CHD9: variants seen among roughly 807,000 people sequenced by gnomAD.
The protein encoded by CHD9 is ATP-dependent chromatin remodeler CHD9.
In CHD9, 77 loss-of-function variants were observed where a neutral mutation model predicts 316.1. That is an observed-to-expected ratio of 0.24 (90% CI 0.20 to 0.29). The LOEUF (loss-of-function observed/expected upper bound fraction) is 0.29, where lower values mean the gene tolerates loss of function less well. Ranked by LOEUF, CHD9 falls within the 10% of genes least tolerant of loss-of-function variation. The probability of loss-of-function intolerance (pLI) is 1.00; values close to 1 mark genes in which losing one functional copy is unlikely to be tolerated. For missense variants in CHD9, 2,763 were observed against 3,438.1 expected, an observed-to-expected ratio of 0.80 and a Z score of 4.91; for synonymous variants, 1,129 against 1,158.3, an observed-to-expected ratio of 0.97 and a Z score of 0.51.
At chr16:53,147,888 C>T (rs574191203) in intron 1 of CHD9, among the ~76,000 whole-genome samples, 5 of 151,964 alleles carry the variant, frequency 3.3e-5, no homozygotes, top group Admixed American at 6.6e-5. Context: ...TAAGGTAATT[C>T]TCTGTTTAAC....
chr16:53,168,648 A>G (rs1224508293), intron 2 of CHD9: 1 of 152,208 alleles, frequency 6.6e-6, no homozygotes, highest in Non-Finnish European at 1.5e-5. Flanking sequence ...GGTTGGTGCA[A>G]AACTTTCAGT....
rs539328036 is a variant in CHD9, at chr16:53,146,212, C to T, written c.-164-9714C>T. ...ACCAACCTGACCAAAATGGTGAAAC[C>T]CCGTCTCTACTAAAAAAAAAAAAAA... On this transcript the variant is annotated intron_variant, in intron 1 of 38. Transcript: ENST00000447540. Among the ~76,000 whole-genome samples, 3 of 140,682 alleles carry T rather than the reference C, an allele frequency of 2.1e-5. No homozygotes were observed. In the South Asian group the frequency reaches 6.9e-4, roughly 32 times the overall value. 92.3% of individuals were successfully genotyped at this position (140,682 alleles called of 152,430 possible).
At chr16:53,209,445 T>C (rs1239472338) in intron 2 of CHD9, 37 bp from the exon 3 acceptor site, 1 of 1,328,712 alleles carries the variant, frequency 7.5e-7, no homozygotes, top group Non-Finnish European at 1.0e-6. Context: ...TAGATGTACT[T>C]TGGTATATTC....
At chr16:53,255,256 C>T (rs2050493495) in intron 18 of CHD9, among the ~76,000 whole-genome samples, 1 of 152,110 alleles carries the variant, frequency 6.6e-6, no homozygotes, top group Non-Finnish European at 1.5e-5. Context: ...CTGCAGTGAG[C>T]TGTGTTTACA....
In CHD9 at chr16:53,245,864, A is replaced by G. The variant is rs1440622761; in HGVS notation, c.3454+14A>G. The stretch of plus-strand genomic sequence containing the variant: ...ATCTTATAAAAGGTAGCTAAAAAAG[A>G]TTACAACAAATATGTTTTTTCTTGC... On this transcript the variant is annotated intron_variant, in intron 15 of 38. Coordinates refer to ENST00000447540, the MANE Select transcript of CHD9 (RefSeq NM_001308319.2). The surrounding 1 kb of genome is among the most constrained non-coding windows in gnomAD (Gnocchi z 4.1). The G allele has an allele frequency of 2.4e-5, 35 of 1,462,876 alleles. No individual in the cohort carries two copies. The highest frequency in any genetic ancestry group is 3.2e-5 in the Non-Finnish European group (35 of 1,105,008). 90.6% of individuals were successfully genotyped at this position (1,462,876 alleles called of 1,614,324 possible). A position where few individuals can be genotyped will look rare whatever the true frequency, so the allele number is the denominator to read the frequency against.
At chr16:53,056,116 C>A (rs182116237) in intron 1 of CHD9, among the ~76,000 whole-genome samples, 25 of 152,318 alleles carry the variant, frequency 1.6e-4, no homozygotes, top group African/African-American at 6.0e-4. Context: ...GTCTCAAACT[C>A]CTAGGCTCAA....
chr16:53,187,117 T>A (rs2152818724), intron 2 of CHD9, among the ~76,000 whole-genome samples: 1 of 152,168 alleles, frequency 6.6e-6, no homozygotes, highest in East Asian at 1.9e-4. Context: ...GTGGAAAAAT[T>A]AAAACTAGAA....
At chr16:53,102,721 A>C (rs927965995) in intron 1 of CHD9, among the ~76,000 whole-genome samples, 1 of 152,124 alleles carries the variant, frequency 6.6e-6, no homozygotes, top group African/African-American at 2.4e-5. Flanking sequence ...ATGGTGGTGC[A>C]TGCCTGTAGT....
chr16:53,314,226 G>T, intron 34 of CHD9, 151 bp from the exon 35 acceptor site: 1 of 488,002 alleles, frequency 2.0e-6, no homozygotes. Flanking sequence ...TTTTAAATGA[G>T]AGGTGGGGAT....
chr16:53,114,226 T>C (rs1303453974), intron 1 of CHD9, among the ~76,000 whole-genome samples: 1 of 152,160 alleles, frequency 6.6e-6, no homozygotes, highest in East Asian at 1.9e-4. Context: ...AATCTGACCA[T>C]CTCACTCTTC....
rs2050525725 is a variant in CHD9 at position 53,255,630 on chromosome 16, G to A, written c.4060G>A (p.Asp1354Asn). The A allele has an allele frequency of 6.2e-7, 1 of 1,613,294 alleles. No homozygotes were observed. The highest frequency in any genetic ancestry group is 1.3e-5 in the African/African-American group (1 of 75,012). The change falls in exon 19 of 39, where the codon GAT (aspartate) becomes AAT (asparagine). Residue 1354 changes from aspartate (D) to asparagine (N), a missense_variant. Asp to Asn is a conservative substitution (Grantham distance 23). Transcript: ENST00000447540. The stretch of plus-strand genomic sequence containing the variant: ...GCAGCTTTCCAAAAAGGAAATAGAA[G>A]ATCTGCTTCGAAGAGGTGCTTATGG... Reference protein sequence around the residue: ...IQQLSKKEIEDLLRRGAYGAI... With the variant: ...IQQLSKKEIENLLRRGAYGAI...
intron 37 of CHD9, among the ~76,000 whole-genome samples, chr16:53,319,494 A>C (rs2057121385): frequency 6.6e-6 from 1 of 152,192 alleles, no homozygotes; most frequent in Non-Finnish European, 1.5e-5. Context: ...AGCTTTTGTT[A>C]GTATTTTAAA....
intron 2 of CHD9, among the ~76,000 whole-genome samples, chr16:53,182,126 C>T (rs1472677707): frequency 6.6e-6 from 1 of 152,156 alleles, no homozygotes; most frequent in Non-Finnish European, 1.5e-5. Context: ...ACACTCATGG[C>T]AGTTTTCTGG....
chr16:53,305,772 T>C (rs2055908213), intron 31 of CHD9, among the ~76,000 whole-genome samples: 1 of 152,152 alleles, frequency 6.6e-6, no homozygotes, highest in Non-Finnish European at 1.5e-5. Context: ...GGGTCTCTTG[T>C]AACAACTCCA....
At chr16:53,106,691 C>T (rs540895173) in intron 1 of CHD9, among the ~76,000 whole-genome samples, 24 of 151,804 alleles carry the variant, frequency 1.6e-4, no homozygotes, top group Non-Finnish European at 3.1e-4. Flanking sequence ...GCGCGATGTG[C>T]ATATGGTGTG....
rs1304425134 is a variant in CHD9 at position 53,091,410 on chromosome 16, T to A, written c.-165+36333T>A. 2.0e-5 allele frequency among the ~76,000 whole-genome samples: 3 copies of A among 152,330 alleles called. No homozygotes were observed. The East Asian group carries it at 5.8e-4, about 29-fold the overall frequency. On this transcript the variant is annotated intron_variant, in intron 1 of 38. Coordinates refer to ENST00000447540, the MANE Select transcript of CHD9 (RefSeq NM_001308319.2). ...TGTGAGGATTCAGGGAGATACTAACTGTGATGTCCTCACCCCTACATCTGG... is the reference window on the plus strand; with the variant it reads ...TGTGAGGATTCAGGGAGATACTAACAGTGATGTCCTCACCCCTACATCTGG...
At chr16:53,284,992 C>T (rs888498785) in intron 24 of CHD9, among the ~76,000 whole-genome samples, 7 of 152,080 alleles carry the variant, frequency 4.6e-5, no homozygotes, top group Non-Finnish European at 5.9e-5. Flanking sequence ...GTCTTGTACT[C>T]CTGGGTTCAA....
chr16:53,074,462 G>A (rs2152521811), intron 1 of CHD9, among the ~76,000 whole-genome samples: 1 of 152,336 alleles, frequency 6.6e-6, no homozygotes, highest in African/African-American at 2.4e-5. Context: ...AATGTCTCCA[G>A]GAAATGGCAG....
chr16:53,118,941 C>T (rs948754182), intron 1 of CHD9, among the ~76,000 whole-genome samples: 3 of 151,972 alleles, frequency 2.0e-5, no homozygotes, highest in Non-Finnish European at 4.4e-5. Flanking sequence ...TACAGGCACC[C>T]GCCACCATGC....
Sources: allele counts gnomAD v4.1 joint callset (sites outside exome capture counted in the v4.1 genomes callset), GRCh38; gene constraint gnomAD v4.1.1; non-coding constraint Gnocchi (gnomAD v3.1); transcripts MANE v1.5; gene names NCBI Gene and HGNC (gene_info 2026-07-23, HGNC 2026-07-21).